Variants in SLC23A3 observed in about 807,000 individuals in gnomAD.
The protein encoded by SLC23A3 is solute carrier family 23 member 3, also known as E2-binding protein 3.
A neutral mutation model predicts 64.7 loss-of-function variants in SLC23A3; 41 were observed. The ratio of observed to expected loss-of-function variants is 0.63; its 90% CI spans 0.49 to 0.82. The LOEUF is 0.82. Among genes scored for constraint, SLC23A3 ranks in the 40% least tolerant of loss-of-function variants. The probability of loss-of-function intolerance (pLI) is 0.00; values close to 1 mark genes in which losing one functional copy is unlikely to be tolerated. For missense variants in SLC23A3, 647 were observed against 733.4 expected, an observed-to-expected ratio of 0.88 and a Z score of 1.36; for synonymous variants, 281 against 306.8, an observed-to-expected ratio of 0.92 and a Z score of 0.88.
In SLC23A3 at chr2:219,168,533, T is replaced by A. The variant is rs192246176; in HGVS notation, c.674+119A>T. The A allele has an allele frequency of 9.7e-5, 114 of 1,171,716 alleles. No homozygotes were observed. In the African/African-American group the frequency reaches 1.6e-3, roughly 17 times the overall value. The allele number at this position is 1,171,716 out of a possible 1,614,324, so 72.6% of individuals were successfully genotyped here. A position where few individuals can be genotyped will look rare whatever the true frequency, so the allele number is the denominator to read the frequency against. On this transcript the variant is annotated intron_variant, in intron 5 of 11. Coordinates refer to ENST00000409878, the MANE Select transcript of SLC23A3 (RefSeq NM_001144889.2). ...AAGGAAAAGTCTTGGATTCCAAATATAAAATATGTCCCTATTCCAGTCGCT... is the reference window on the plus strand; with the variant it reads ...AAGGAAAAGTCTTGGATTCCAAATAAAAAATATGTCCCTATTCCAGTCGCT...
intron 8 of SLC23A3, chr2:219,164,942 C>T: frequency 1.8e-6 from 1 of 568,962 alleles, no homozygotes; most frequent in Non-Finnish European, 3.0e-6. Context: ...CTTTATGTGA[C>T]TGGTTCTTTG....
At position 219,169,081 on chromosome 2, in the gene SLC23A3, C is replaced by T. The variant is rs1339294578; in HGVS notation, c.440G>A (p.Cys147Tyr). The T allele has an allele frequency of 6.2e-7, 1 of 1,614,010 alleles. No individual in the cohort carries two copies. The highest frequency in any genetic ancestry group is 1.3e-5 in the African/African-American group (1 of 74,892). Residue 147 changes from cysteine to tyrosine, a missense_variant, in exon 4 of 12, where the codon TGT (cysteine) becomes TAT (tyrosine). Physicochemically the swap from Cys to Tyr is radical, Grantham distance 194. Transcript: ENST00000409878. This position sits in a 1 kb window ranked among gnomAD's most constrained non-coding sequence, Gnocchi z 4.5. ...PGNSSLMLHL[C>Y]RGPSCHGLGH... The stretch of plus-strand genomic sequence containing the variant: ...CAGGCCATGGCAGCTAGGTCCCCTA[C>T]AAAGGTGCAGCATGAGGGAGGCTAG...
chr2:219,169,408 T>A lies in SLC23A3; in HGVS notation c.321-2A>T. ...GATGGAGCCTGGACAAGAGGCAGCC[T>A]GTAGGAACAGCAGCCCCAGCAGGTC... On this transcript the variant is annotated splice_acceptor_variant, in intron 2 of 11. Transcript: ENST00000409878. LOFTEE classifies it high-confidence loss of function. The surrounding 1 kb of genome is among the most constrained non-coding windows in gnomAD (Gnocchi z 4.5). The A allele has an allele frequency of 1.1e-5, 18 of 1,614,170 alleles. No individual in the cohort carries two copies. The highest frequency in any genetic ancestry group is 1.4e-5 in the Non-Finnish European group (17 of 1,180,032).
Position 219,169,277 on chromosome 2 carries a change from A to C in SLC23A3, c.418+32T>G, listed in dbSNP as rs763888229. On this transcript the variant is annotated intron_variant, in intron 3 of 11. Coordinates refer to ENST00000409878, the MANE Select transcript of SLC23A3 (RefSeq NM_001144889.2). The surrounding 1 kb of genome is among the most constrained non-coding windows in gnomAD (Gnocchi z 4.5). Reference sequence around the variant, plus strand: ...CATGCTCAGATGAGAACCCAGCCCCACCCTTACCCCTTGCCCTTGCTCTGT... The same window carrying C: ...CATGCTCAGATGAGAACCCAGCCCCCCCCTTACCCCTTGCCCTTGCTCTGT... 1.9e-6 allele frequency: 3 copies of C among 1,613,816 alleles called. No homozygotes were observed. The highest frequency in any genetic ancestry group is 4.5e-5 in the East Asian group (2 of 44,882).
rs1193104654 is a variant in SLC23A3, at chr2:219,165,173, A to C, written c.1163T>G (p.Ile388Ser). The stretch of plus-strand genomic sequence containing the variant: ...TCCCATCCCAGGTCCACGTACCTGG[A>C]TAAGACCCACTTTGCCCACGTTGGG... ...SFPNVGKVGL[I>S]QAGSQQVAHL... The change falls in exon 8 of 12, where the codon ATC becomes AGC. Residue 388 changes from isoleucine to serine, a missense_variant. Physicochemically the swap from Ile to Ser is moderately radical, Grantham distance 142. Coordinates refer to ENST00000409878, the MANE Select transcript of SLC23A3 (RefSeq NM_001144889.2). 6.4e-7 allele frequency: 1 copy of C among 1,551,852 alleles called. No homozygotes were observed. Among genetic ancestry groups the C allele is most frequent in the Admixed American group, 2.0e-5 (1 of 50,994 alleles).
intron 5 of SLC23A3, 140 bp from the exon 6 acceptor site, chr2:219,168,458 C>T: frequency 8.4e-7 from 1 of 1,188,374 alleles, no homozygotes; most frequent in Non-Finnish European, 1.2e-6. Flanking sequence ...AGGAAGTGAC[C>T]TTGGGGGACA....
Position 219,168,264 on chromosome 2 carries a change from A to G in SLC23A3, c.729T>C (p.His243=), listed in dbSNP as rs374880582. The stretch of plus-strand genomic sequence containing the variant: ...TTGAAGCTCGCCTCCAGGGGCACAC[A>G]TGAAACTGGCAGGAGCCCAGGTGCT... The part of the protein sequence containing the change: ...CSQHLGSCQF[H]VCPWRRASTS... Residue 243 remains histidine, a synonymous_variant, in exon 6 of 12, where the codon CAT becomes CAC. Transcript: ENST00000409878. 1.4e-5 allele frequency: 22 copies of G among 1,613,856 alleles called. No homozygotes were observed. Among genetic ancestry groups the G allele is most frequent in the East Asian group, 2.2e-5 (1 of 44,876 alleles).
At chr2:219,163,670 G>T (rs2106375957) in intron 9 of SLC23A3, 115 bp from the exon 10 acceptor site, 3 of 1,102,092 alleles carry the variant, frequency 2.7e-6, no homozygotes, top group South Asian at 1.5e-5. Flanking sequence ...CCAAGAGAAT[G>T]ATTTTTGTTT....
intron 7 of SLC23A3, among the ~76,000 whole-genome samples, chr2:219,166,580 G>T (rs1950007834): frequency 6.6e-6 from 1 of 151,496 alleles, no homozygotes. Flanking sequence ...TGTCGCCTGG[G>T]CTAGAATGCA....
intron 7 of SLC23A3, among the ~76,000 whole-genome samples, chr2:219,167,495 C>T (rs1048930446): frequency 6.7e-6 from 1 of 149,566 alleles, no homozygotes; most frequent in African/African-American, 2.5e-5. Context: ...GGCACAGTGG[C>T]TCATGCCTGT....
Position 219,161,813 on chromosome 2 carries a change from A to G in SLC23A3, c.*96T>C. ...ACAGTCCCATGTAATACACACACAC[A>G]TATCCTCTGCCTACAAGAAAGAACA... On this transcript the variant is annotated 3_prime_UTR_variant, in exon 12 of 12. Coordinates refer to ENST00000409878, the MANE Select transcript of SLC23A3 (RefSeq NM_001144889.2). The G allele has an allele frequency of 1.5e-6, 2 of 1,364,834 alleles. No individual in the cohort carries two copies. Among genetic ancestry groups the G allele is most frequent in the Non-Finnish European group, 2.0e-6 (2 of 998,410 alleles). The allele number at this position is 1,364,834 out of a possible 1,614,324, so 84.5% of individuals were successfully genotyped here. A position where few individuals can be genotyped will look rare whatever the true frequency, so the allele number is the denominator to read the frequency against.
chr2:219,164,989 C>G, intron 8 of SLC23A3, 180 bp downstream of exon 8: 1 of 750,602 alleles, frequency 1.3e-6, no homozygotes, highest in South Asian at 2.1e-5. Flanking sequence ...CACAGGAGTT[C>G]CGTGGTGATT....
rs1170421378 is a variant in SLC23A3, at chr2:219,169,383, G to A, written c.344C>T (p.Ser115Phe). The A allele has an allele frequency of 6.2e-7, 1 of 1,614,208 alleles. No individual in the cohort carries two copies. The highest frequency in any genetic ancestry group is 1.1e-5 in the South Asian group (1 of 91,078). ...GSRLPLVQAP[S>F]LEFLIPALVL... ...CAGAGCAGGGATAAGGAACTCTAAG[G>A]ATGGAGCCTGGACAAGAGGCAGCCT... The change falls in exon 3 of 12, where the codon TCC becomes TTC. Residue 115 changes from serine to phenylalanine, a missense_variant. Coordinates refer to ENST00000409878, the MANE Select transcript of SLC23A3 (RefSeq NM_001144889.2). This position sits in a 1 kb window ranked among gnomAD's most constrained non-coding sequence, Gnocchi z 4.5.
intron 7 of SLC23A3, among the ~76,000 whole-genome samples, chr2:219,165,707 G>C (rs1949999413): frequency 6.6e-6 from 1 of 152,202 alleles, no homozygotes; most frequent in Non-Finnish European, 1.5e-5. Context: ...CTTTGTACAT[G>C]CTGTGCTCCC....
intron 11 of SLC23A3, 30 bp downstream of exon 11, chr2:219,162,269 C>G: frequency 6.2e-7 from 1 of 1,613,852 alleles, no homozygotes; most frequent in Non-Finnish European, 8.5e-7. Context: ...TGGCCACTCC[C>G]CAGTCTGCTA....
At chr2:219,167,779 C>A in intron 7 of SLC23A3, 151 bp downstream of exon 7, 1 of 634,086 alleles carries the variant, frequency 1.6e-6, no homozygotes, top group South Asian at 2.1e-5. Context: ...GAGGGGCTAG[C>A]ATTGTCTGTC....
chr2:219,168,495 G>T (rs1950026241), intron 5 of SLC23A3, 157 bp downstream of exon 5: 1 of 1,095,224 alleles, frequency 9.1e-7, no homozygotes, highest in Non-Finnish European at 1.3e-6. Context: ...AATTCAAGGA[G>T]ACCAGATGAA....
intron 8 of SLC23A3, 64 bp downstream of exon 8, chr2:219,165,105 G>C: frequency 6.5e-7 from 1 of 1,528,040 alleles, no homozygotes; most frequent in Non-Finnish European, 8.8e-7. Flanking sequence ...ATCGGTGTAA[G>C]TTCCTGTCCT....
chr2:219,168,731 G>A lies in SLC23A3; in HGVS notation c.595C>T (p.Pro199Ser), dbSNP rs1005515798. ...FPHCGPLVLA[P>S]SLVVAGLSAH... ...GAGAGCCCTGCCACAACCAGGCTGG[G>A]AGCCAGCACCAGGGGCCCACAGTGG... The change falls in exon 5 of 12, where the codon CCC becomes TCC. Residue 199 changes from proline (P) to serine (S), a missense_variant. Transcript: ENST00000409878. The A allele has an allele frequency of 6.2e-7, 1 of 1,613,754 alleles. No individual in the cohort carries two copies. Among genetic ancestry groups the A allele is most frequent in the Non-Finnish European group, 8.5e-7 (1 of 1,179,818 alleles).
Sources: allele counts gnomAD v4.1 joint callset (sites outside exome capture counted in the v4.1 genomes callset), GRCh38; gene constraint gnomAD v4.1.1; non-coding constraint Gnocchi (gnomAD v3.1); transcripts MANE v1.5; gene names NCBI Gene and HGNC (gene_info 2026-07-23, HGNC 2026-07-21).